Variants in TRIM50 observed in about 807,000 individuals in gnomAD.
TRIM50 encodes E3 ubiquitin-protein ligase TRIM50.
In TRIM50, 34 loss-of-function variants were observed where a neutral mutation model predicts 44.9. That is an observed-to-expected ratio of 0.76 (90% CI 0.58 to 1.01). The LOEUF is 1.01. Ranked by LOEUF, TRIM50 falls within the 50% of genes least tolerant of loss-of-function variation. The pLI, the probability that TRIM50 is intolerant of heterozygous loss-of-function variation, is 0.00. For synonymous variants in TRIM50, 307 were observed against 291.1 expected (o/e 1.05, Z -0.56); for missense variants, 633 against 663.7 (o/e 0.95, Z 0.51).
intron 2 of TRIM50, among the ~76,000 whole-genome samples, chr7:73,322,327 C>T (rs1804515891): frequency 6.6e-6 from 1 of 152,108 alleles, no homozygotes. Context: ...CCAGCCTGGG[C>T]GACAGAGCGA....
At chr7:73,314,158 G>A (rs1804304333) in intron 6 of TRIM50, 1 of 385,936 alleles carries the variant, frequency 2.6e-6, no homozygotes, top group South Asian at 2.6e-5. Flanking sequence ...GGCCCCTGCT[G>A]GCGTGAAGAA....
At chr7:73,322,840 C>T (rs1333960787) in intron 2 of TRIM50, among the ~76,000 whole-genome samples, 32 of 152,192 alleles carry the variant, frequency 2.1e-4, no homozygotes, top group African/African-American at 7.5e-4. Flanking sequence ...AAGGACCCTC[C>T]ACACCTCTCG....
intron 5 of TRIM50, among the ~76,000 whole-genome samples, chr7:73,317,862 C>T (rs1260708829): frequency 2.6e-5 from 4 of 152,294 alleles, no homozygotes; most frequent in South Asian, 4.1e-4. Flanking sequence ...CTGCCTGCTG[C>T]GCAAGGGTGA....
chr7:73,315,990 C>T (rs1394848505), intron 6 of TRIM50, among the ~76,000 whole-genome samples: 1 of 151,612 alleles, frequency 6.6e-6, no homozygotes, highest in Non-Finnish European at 1.5e-5. Context: ...AAGTGATTCT[C>T]CTGCTTCAGG....
In TRIM50 at chr7:73,312,912, C is replaced by T. The variant is rs1255926953; in HGVS notation, c.*9G>A. The T allele has an allele frequency of 6.6e-6, 10 of 1,519,546 alleles. No individual in the cohort carries two copies. Among genetic ancestry groups the T allele is most frequent in the Admixed American group, 2.2e-5 (1 of 45,904 alleles). The allele number at this position is 1,519,546 out of a possible 1,614,324, so 94.1% of individuals were successfully genotyped here. ...ATGGGCCTGTGGGCCGGCAGGACTCCGGGCGGCCCTACAGCTTGGTGGGCT... is the reference window on the plus strand; with the variant it reads ...ATGGGCCTGTGGGCCGGCAGGACTCTGGGCGGCCCTACAGCTTGGTGGGCT... On this transcript the variant is annotated 3_prime_UTR_variant, in exon 7 of 7. Coordinates refer to ENST00000333149, the MANE Select transcript of TRIM50 (RefSeq NM_178125.3).
At chr7:73,314,241 A>G (rs75868672) in intron 6 of TRIM50, 10 of 323,110 alleles carry the variant, frequency 3.1e-5, no homozygotes, top group Non-Finnish European at 5.3e-5. Context: ...CAGGACTTCC[A>G]GGCCAAAACG....
chr7:73,318,381 C>T (rs1232555683), intron 5 of TRIM50, among the ~76,000 whole-genome samples: 1 of 152,228 alleles, frequency 6.6e-6, no homozygotes, highest in African/African-American at 2.4e-5. Context: ...AAGCAATCCT[C>T]CTGCCTTGGC....
chr7:73,322,297 C>T (rs868940053), intron 2 of TRIM50, among the ~76,000 whole-genome samples: 2 of 152,108 alleles, frequency 1.3e-5, no homozygotes, highest in Non-Finnish European at 2.9e-5. Flanking sequence ...TGCAGTGAGC[C>T]GAGATCGCAC....
In TRIM50 at chr7:73,313,075, C is replaced by T. The variant is rs782756232; in HGVS notation, c.1310G>A (p.Arg437Gln). 16 of 1,589,052 alleles carry T rather than the reference C, an allele frequency of 1.0e-5. No homozygotes were observed. Among genetic ancestry groups the T allele is most frequent in the South Asian group, 3.4e-5 (3 of 87,166 alleles). The change falls in exon 7 of 7, where the codon CGG (arginine) becomes CAG (glutamine). Residue 437 changes from arginine to glutamine, a missense_variant. Arg to Gln is a conservative substitution (Grantham distance 43, BLOSUM62 1). Coordinates refer to ENST00000333149, the MANE Select transcript of TRIM50 (RefSeq NM_178125.3). The surrounding 1 kb of genome is among the most constrained non-coding windows in gnomAD (Gnocchi z 4.9). ...FFDADRPDDL[R>Q]PLYTFQADFQ... ...GTCGGCCTGGAAGGTGTAGAGCGGC[C>T]GCAGGTCATCGGGGCGGTCGGCATC...
intron 6 of TRIM50, among the ~76,000 whole-genome samples, chr7:73,315,526 A>G (rs1804336435): frequency 6.6e-6 from 1 of 151,682 alleles, no homozygotes; most frequent in African/African-American, 2.4e-5. Flanking sequence ...CACCCCACTA[A>G]TTATTTTTTG....
intron 2 of TRIM50, among the ~76,000 whole-genome samples, chr7:73,323,457 C>T (rs1357186361): frequency 1.3e-5 from 2 of 152,190 alleles, no homozygotes; most frequent in Admixed American, 1.3e-4. Context: ...TCAAGTGATC[C>T]ACCCACCTCG....
rs575579453 is a variant in TRIM50 at position 73,312,613 on chromosome 7, A to G, written c.*308T>C. On this transcript the variant is annotated 3_prime_UTR_variant, in exon 7 of 7. Coordinates refer to ENST00000333149, the MANE Select transcript of TRIM50 (RefSeq NM_178125.3). ...GTTCACAGTAATATGGAAAAGGTAT[A>G]CATGGGACTATTTCTGCCCTCGGAA... The G allele has an allele frequency of 1.6e-4, 61 of 388,238 alleles. No individual in the cohort carries two copies. The highest frequency in any genetic ancestry group is 1.2e-3 in the African/African-American group (58 of 48,074). The allele number at this position is 388,238 out of a possible 1,614,324, so 24.0% of individuals were successfully genotyped here.
At chr7:73,324,054 A>G (rs1193248656) in intron 2 of TRIM50, among the ~76,000 whole-genome samples, 1 of 152,042 alleles carries the variant, frequency 6.6e-6, no homozygotes, top group Non-Finnish European at 1.5e-5. Context: ...AAGAAAGAAA[A>G]AAAAGAAAGG....
Position 73,318,808 on chromosome 7 carries a change from C to G in TRIM50, c.726+14G>C. On this transcript the variant is annotated intron_variant, in intron 4 of 6. Transcript: ENST00000333149. ...TGGCGGGTATGGGGATGGGACGCCT[C>G]CCTGTCCACTCACCCGGATGAACTT... The G allele has an allele frequency of 6.2e-7, 1 of 1,613,990 alleles. No homozygotes were observed. Among genetic ancestry groups the G allele is most frequent in the Non-Finnish European group, 8.5e-7 (1 of 1,179,872 alleles).
In TRIM50 at chr7:73,313,166, C is replaced by G. The variant is rs372424421; in HGVS notation, c.1219G>C (p.Val407Leu). 1.9e-6 allele frequency: 3 copies of G among 1,588,222 alleles called. No homozygotes were observed. The highest frequency in any genetic ancestry group is 2.7e-5 in the African/African-American group (2 of 74,604). ...CCGATGCGGTGGGGGTGGCCGGCCACGGGCAGGGGTACCCGGGGGCAGGCA... is the reference window on the plus strand; with the variant it reads ...CCGATGCGGTGGGGGTGGCCGGCCAGGGGCAGGGGTACCCGGGGGCAGGCA... ...AFACPRVPLP[V>L]AGHPHRIGLY... is the part of the protein sequence containing the mutation. The change falls in exon 7 of 7, where the codon GTG (valine) becomes CTG (leucine). Residue 407 changes from valine to leucine, a missense_variant. Physicochemically the swap from Val to Leu is conservative, Grantham distance 32. Transcript: ENST00000333149. This position sits in a 1 kb window ranked among gnomAD's most constrained non-coding sequence, Gnocchi z 4.9.
intron 2 of TRIM50, among the ~76,000 whole-genome samples, chr7:73,323,736 G>C (rs1177964307): frequency 2.0e-5 from 3 of 152,172 alleles, no homozygotes; most frequent in Non-Finnish European, 4.4e-5. Flanking sequence ...GCAAACAGGG[G>C]AGTGTCCAGA....
At position 73,328,075 on chromosome 7, in the gene TRIM50, C is replaced by A; in HGVS notation, c.-194G>T. 1 of 955,108 alleles carries A rather than the reference C, an allele frequency of 1.0e-6. No homozygotes were observed. Among genetic ancestry groups the A allele is most frequent in the South Asian group, 1.5e-5 (1 of 65,816 alleles). 59.2% of individuals were successfully genotyped at this position (955,108 alleles called of 1,614,324 possible). On this transcript the variant is annotated 5_prime_UTR_variant, in exon 1 of 7. It removes an upstream start codon present in the reference 5' UTR. Transcript: ENST00000333149. ...CCTCGCGCTACCGCGCGTGCCCCAT[C>A]ATGCTCTGCGCGCTCCCATTACGTG...
At chr7:73,317,123 G>A (rs1804381860) in intron 5 of TRIM50, among the ~76,000 whole-genome samples, 1 of 146,254 alleles carries the variant, frequency 6.8e-6, no homozygotes, top group Admixed American at 6.8e-5. Context: ...GCATGATTTC[G>A]ACTCAGTGCA....
In TRIM50 at chr7:73,313,182, G is replaced by A. The variant is rs1804268913; in HGVS notation, c.1203C>T (p.Pro401=). The change falls in exon 7 of 7, where the codon CCC becomes CCT. Residue 401 remains proline (P), a synonymous_variant. Coordinates refer to ENST00000333149, the MANE Select transcript of TRIM50 (RefSeq NM_178125.3). The surrounding 1 kb of genome is among the most constrained non-coding windows in gnomAD (Gnocchi z 4.9). The stretch of plus-strand genomic sequence containing the variant: ...GGCCGGCCACGGGCAGGGGTACCCG[G>A]GGGCAGGCAAAGGCTTCGTACACCC... ...EGRVYEAFAC[P]RVPLPVAGHP... The A allele has an allele frequency of 6.3e-7, 1 of 1,589,124 alleles. No homozygotes were observed. Among genetic ancestry groups the A allele is most frequent in the South Asian group, 1.1e-5 (1 of 87,670 alleles).
Sources: allele counts gnomAD v4.1 joint callset (sites outside exome capture counted in the v4.1 genomes callset), GRCh38; gene constraint gnomAD v4.1.1; non-coding constraint Gnocchi (gnomAD v3.1); transcripts MANE v1.5; gene names NCBI Gene and HGNC (gene_info 2026-07-23, HGNC 2026-07-21).